Variants in SORCS3 observed in about 807,000 individuals in gnomAD.
SORCS3 encodes the protein sortilin related VPS10 domain containing receptor 3, also known as VPS10 domain-containing receptor SorCS3.
In SORCS3, 57 loss-of-function variants were observed where a neutral mutation model predicts 146.3. The ratio of observed to expected loss-of-function variants is 0.39; its 90% confidence interval spans 0.31 to 0.49. The LOEUF (loss-of-function observed/expected upper bound fraction) is 0.49, where lower values mean the gene tolerates loss of function less well. Among genes scored for constraint, SORCS3 ranks in the 20% least tolerant of loss-of-function variants. SORCS3 has a pLI of 0.92. For missense variants in SORCS3, 1,341 were observed against 1,575.5 expected (o/e 0.85, Z 2.52); for synonymous variants, 653 against 618.5 (o/e 1.06, Z -0.83).
chr10:104,879,746 C>G lies in SORCS3; in HGVS notation c.696-36087C>G, dbSNP rs368119803. Among the ~76,000 whole-genome samples, 5 of 152,308 alleles carry G rather than the reference C, an allele frequency of 3.3e-5. No homozygotes were observed. In the South Asian group the frequency reaches 6.2e-4, roughly 19 times the overall value. The stretch of plus-strand genomic sequence containing the variant: ...GAATTTAGAAAAGGCATCCTTTCTT[C>G]TAGACAGGTGCTGCCCTGAGCCAGG... On this transcript the variant is annotated intron_variant, in intron 2 of 26. Transcript: ENST00000369701.
At chr10:104,906,723 T>C (rs2018908551) in intron 2 of SORCS3, among the ~76,000 whole-genome samples, 1 of 152,220 alleles carries the variant, frequency 6.6e-6, no homozygotes, top group Non-Finnish European at 1.5e-5. Flanking sequence ...CAGAAGCTTA[T>C]CTGTAACTGG....
intron 5 of SORCS3, among the ~76,000 whole-genome samples, chr10:105,069,905 C>G (rs1319820289): frequency 1.3e-5 from 2 of 152,130 alleles, no homozygotes; most frequent in African/African-American, 4.8e-5. Context: ...CCAAGTCTCC[C>G]CCGCCCCGAT....
At position 105,217,028 on chromosome 10, in the gene SORCS3, G is replaced by T; in HGVS notation, c.2640G>T (p.Lys880Asn). 1 of 1,614,172 alleles carries T rather than the reference G, an allele frequency of 6.2e-7. No individual in the cohort carries two copies. Among genetic ancestry groups the T allele is most frequent in the South Asian group, 1.1e-5 (1 of 91,082 alleles). The change falls in exon 19 of 27, where the codon AAG becomes AAT. Residue 880 changes from lysine to asparagine, a missense_variant. Lys to Asn is a moderately conservative substitution (Grantham distance 94). Transcript: ENST00000369701. Reference protein sequence around the residue: ...ANFSPIEDGIKHVYKSAGIFQ... With the variant: ...ANFSPIEDGINHVYKSAGIFQ... ...TCAGCCCCATCGAGGACGGCATCAA[G>T]CACGTGTATAAGAGTGCGGGGATCT...
At chr10:105,242,707 TTTA>T (rs1233526487) in intron 20 of SORCS3, among the ~76,000 whole-genome samples, 1 of 100,838 alleles carries the variant, frequency 9.9e-6, no homozygotes, top group African/African-American at 4.2e-5. Context: ...CATTTATATA[TTTA>T]TATATTTATA....
intron 19 of SORCS3, among the ~76,000 whole-genome samples, chr10:105,222,133 A>G (rs1166397426): frequency 2.2e-5 from 3 of 133,602 alleles, no homozygotes; most frequent in East Asian, 2.1e-4. Context: ...ATTTTGGCTC[A>G]CTGCATCCTC....
At chr10:105,012,184 C>T (rs899286239) in intron 4 of SORCS3, among the ~76,000 whole-genome samples, 1 of 152,140 alleles carries the variant, frequency 6.6e-6, no homozygotes, top group Non-Finnish European at 1.5e-5. Flanking sequence ...AGCATCATGG[C>T]ACCCATACTT....
chr10:105,225,455 T>C (rs1267725614), intron 20 of SORCS3, among the ~76,000 whole-genome samples: 6 of 152,066 alleles, frequency 3.9e-5, no homozygotes, highest in Non-Finnish European at 8.8e-5. Context: ...CTGTTTTTTT[T>C]CACCAATACA....
chr10:105,145,998 T>C (rs1177302683), intron 8 of SORCS3, among the ~76,000 whole-genome samples: 1 of 152,068 alleles, frequency 6.6e-6, no homozygotes, highest in African/African-American at 2.4e-5. Flanking sequence ...CTAGGAAAGG[T>C]TGGTCAAACA....
chr10:104,969,340 T>TGTGTGTGTGTGCGC (rs398014705), intron 3 of SORCS3, among the ~76,000 whole-genome samples: 1 of 112,332 alleles, frequency 8.9e-6, no homozygotes, highest in African/African-American at 2.9e-5. Flanking sequence ...TGTGTGTGTG[T>TGTGTGTGTGTGCGC]GCGCGCGCGC....
intron 1 of SORCS3, among the ~76,000 whole-genome samples, chr10:104,662,829 C>A (rs182415651): frequency 1.7e-3 from 260 of 152,260 alleles, no homozygotes; most frequent in South Asian, 4.6e-3. Context: ...ATTGCATAGC[C>A]CACTGGCAAA....
At chr10:104,693,034 A>G (rs1008059701) in intron 1 of SORCS3, among the ~76,000 whole-genome samples, 32 of 152,190 alleles carry the variant, frequency 2.1e-4, no homozygotes, top group African/African-American at 7.7e-4. Flanking sequence ...AGTCTACCCC[A>G]GGGGCATTCC....
At chr10:104,944,967 T>G (rs1025419816) in intron 3 of SORCS3, among the ~76,000 whole-genome samples, 4 of 152,174 alleles carry the variant, frequency 2.6e-5, no homozygotes, top group African/African-American at 4.8e-5. Flanking sequence ...AATGGACTAA[T>G]AATTGTGGAA....
At chr10:105,172,435 A>T (rs1194860297) in intron 13 of SORCS3, among the ~76,000 whole-genome samples, 1 of 152,158 alleles carries the variant, frequency 6.6e-6, no homozygotes, top group African/African-American at 2.4e-5. Context: ...TCACATGGAA[A>T]TCTTTATTCT....
intron 1 of SORCS3, among the ~76,000 whole-genome samples, chr10:104,746,197 T>G (rs1055896637): frequency 1.3e-5 from 2 of 151,354 alleles, no homozygotes; most frequent in Non-Finnish European, 2.9e-5. Context: ...AGTGCAGTGG[T>G]GCGATCTCGG....
intron 23 of SORCS3, 49 bp from the exon 24 acceptor site, chr10:105,255,653 G>A (rs749049368): frequency 1.2e-5 from 15 of 1,270,340 alleles, no homozygotes; most frequent in Non-Finnish European, 1.6e-5. Flanking sequence ...CCATGAGGGA[G>A]CATCATTGCA....
chr10:104,795,888 A>G (rs988242652), intron 1 of SORCS3, among the ~76,000 whole-genome samples: 7 of 152,224 alleles, frequency 4.6e-5, no homozygotes, highest in Non-Finnish European at 1.5e-5. Context: ...CCTGCAACCA[A>G]GATTCTTTGA....
chr10:104,926,467 C>T (rs779301502), intron 3 of SORCS3, among the ~76,000 whole-genome samples: 1 of 152,194 alleles, frequency 6.6e-6, no homozygotes. Context: ...AAACCTCCCT[C>T]ATTTACTGAT....
At chr10:104,642,625 G>A (rs61732122) in intron 1 of SORCS3, among the ~76,000 whole-genome samples, 12,510 of 152,122 alleles carry the variant, frequency 0.082, 574 homozygotes, top group Admixed American at 0.13. Flanking sequence ...AGTTTAAAGC[G>A]TGAAGCGAAA....
intron 1 of SORCS3, among the ~76,000 whole-genome samples, chr10:104,841,791 T>C (rs2133546319): frequency 6.6e-6 from 1 of 152,270 alleles, no homozygotes; most frequent in South Asian, 2.1e-4. Context: ...AATTGTGGAA[T>C]GGGAAGGAGC....
Sources: allele counts gnomAD v4.1 joint callset (sites outside exome capture counted in the v4.1 genomes callset), GRCh38; gene constraint gnomAD v4.1.1; transcripts MANE v1.5; gene names NCBI Gene and HGNC (gene_info 2026-07-23, HGNC 2026-07-21).